The following SORCS1 variants were observed in gnomAD, a reference collection of about 807,000 sequenced individuals.
SORCS1 encodes sortilin related VPS10 domain containing receptor 1, also known as VPS10 domain-containing receptor SorCS1.
SORCS1 carries 60 observed loss-of-function variants against 146.1 expected under a neutral mutation model. That is an observed-to-expected ratio of 0.41 (90% CI 0.33 to 0.51). The LOEUF (loss-of-function observed/expected upper bound fraction) is 0.51, where lower values mean the gene tolerates loss of function less well. SORCS1 is among the 20% of genes least tolerant of loss of function. The pLI, the probability that SORCS1 is intolerant of heterozygous loss-of-function variation, is 0.21. For synonymous variants in SORCS1, 637 were observed against 584.0 expected (o/e 1.09, Z -1.31); for missense variants, 1,352 against 1,487.6 (o/e 0.91, Z 1.50).
intron 19 of SORCS1, among the ~76,000 whole-genome samples, chr10:106,624,662 A>G (rs1200532929): frequency 1.3e-5 from 2 of 152,202 alleles, no homozygotes; most frequent in South Asian, 4.1e-4. Flanking sequence ...TGCCGGGCCA[A>G]TGATGAATTT....
chr10:107,181,035 A>G, the SORCS1 span, among the ~76,000 whole-genome samples: 1 of 152,320 alleles, frequency 6.6e-6, no homozygotes, highest in African/African-American at 2.4e-5. Context: ...AAAATATTAT[A>G]AAATAGTAAA....
At chr10:106,667,634 C>T (rs537738891) in intron 17 of SORCS1, 55 bp downstream of exon 17, 76 of 1,165,556 alleles carry the variant, frequency 6.5e-5, no homozygotes, top group Middle Eastern at 4.0e-4. Context: ...CAGTATAACA[C>T]GTGCTGAAAG....
chr10:107,009,486 CT>C, intron 1 of SORCS1, among the ~76,000 whole-genome samples: 1 of 152,174 alleles, frequency 6.6e-6, no homozygotes, highest in East Asian at 1.9e-4. Context: ...CACTACTTTT[CT>C]GTTTCTCCTT....
intron 16 of SORCS1, among the ~76,000 whole-genome samples, chr10:106,670,850 T>C (rs1233006062): frequency 6.6e-6 from 1 of 152,012 alleles, no homozygotes; most frequent in Non-Finnish European, 1.5e-5. Flanking sequence ...TCCGCCACTA[T>C]GCCCAGCTAA....
At chr10:107,102,063 A>C (rs909186790) in intron 1 of SORCS1, among the ~76,000 whole-genome samples, 4 of 152,196 alleles carry the variant, frequency 2.6e-5, no homozygotes, top group Non-Finnish European at 5.9e-5. Context: ...TCTGGACCTT[A>C]TGAAACGATT....
intron 2 of SORCS1, among the ~76,000 whole-genome samples, chr10:106,932,811 G>C (rs1488062305): frequency 6.6e-6 from 1 of 152,114 alleles, no homozygotes. Flanking sequence ...ATGCTTAACT[G>C]GGGATTAGAC....
At chr10:107,024,983 G>A (rs901016510) in intron 1 of SORCS1, among the ~76,000 whole-genome samples, 1 of 152,154 alleles carries the variant, frequency 6.6e-6, no homozygotes, top group East Asian at 1.9e-4. Context: ...GGGGCTAAGG[G>A]TTAGTATTAT....
intron 18 of SORCS1, among the ~76,000 whole-genome samples, chr10:106,650,140 T>C (rs1250651648): frequency 2.6e-5 from 4 of 152,228 alleles, no homozygotes; most frequent in African/African-American, 9.6e-5. Context: ...CAACATTTTA[T>C]ATGAAAAATA....
At chr10:106,782,732 A>G (rs1860992528) in intron 3 of SORCS1, among the ~76,000 whole-genome samples, 1 of 152,224 alleles carries the variant, frequency 6.6e-6, no homozygotes, top group Non-Finnish European at 1.5e-5. Context: ...ACGTACAAAC[A>G]CTATTTTACT....
At chr10:107,083,779 G>A (rs1194816497) in intron 1 of SORCS1, among the ~76,000 whole-genome samples, 2 of 152,216 alleles carry the variant, frequency 1.3e-5, no homozygotes, top group African/African-American at 4.8e-5. Flanking sequence ...TATGAGCACT[G>A]TAAAAGGAGG....
At chr10:106,764,745 C>T (rs948654660) in intron 4 of SORCS1, among the ~76,000 whole-genome samples, 5 of 152,028 alleles carry the variant, frequency 3.3e-5, no homozygotes, top group East Asian at 1.9e-4. Context: ...CATTCTTGGC[C>T]GGGCGCGGTG....
At chr10:106,715,383 A>C (rs946312890) in intron 6 of SORCS1, among the ~76,000 whole-genome samples, 18 of 152,212 alleles carry the variant, frequency 1.2e-4, no homozygotes, top group Non-Finnish European at 2.5e-4. Context: ...GCTGCTTAGA[A>C]TAATGCAATC....
intron 24 of SORCS1, among the ~76,000 whole-genome samples, chr10:106,588,400 T>C (rs1845372084): frequency 6.6e-6 from 1 of 152,190 alleles, no homozygotes; most frequent in South Asian, 2.1e-4. Flanking sequence ...TGCTTCTGTT[T>C]TAGTGGATGG....
intron 21 of SORCS1, among the ~76,000 whole-genome samples, chr10:106,617,029 A>G (rs1481120791): frequency 6.6e-6 from 1 of 151,172 alleles, no homozygotes; most frequent in African/African-American, 2.4e-5. Context: ...ATCTTGGTTC[A>G]GTGCAGCCTC....
At chr10:106,916,181 T>C (rs1473247368) in intron 2 of SORCS1, among the ~76,000 whole-genome samples, 1 of 152,174 alleles carries the variant, frequency 6.6e-6, no homozygotes, top group Non-Finnish European at 1.5e-5. Context: ...TTCAATTAAT[T>C]ATTTTTTTAT....
At chr10:106,941,829 G>A (rs1185354548) in intron 2 of SORCS1, among the ~76,000 whole-genome samples, 1 of 152,258 alleles carries the variant, frequency 6.6e-6, no homozygotes, top group East Asian at 1.9e-4. Flanking sequence ...GACTCACTCT[G>A]TGTTGACAAT....
intron 3 of SORCS1, among the ~76,000 whole-genome samples, chr10:106,790,927 T>A (rs761631331): frequency 1.3e-5 from 2 of 152,236 alleles, no homozygotes; most frequent in Non-Finnish European, 2.9e-5. Flanking sequence ...ACTGCAGATA[T>A]TTTTGAAAAA....
chr10:106,965,025 T>C (rs951136986), intron 1 of SORCS1, among the ~76,000 whole-genome samples: 4 of 151,584 alleles, frequency 2.6e-5, no homozygotes, highest in Admixed American at 2.0e-4. Context: ...TTATGTCATA[T>C]AGCAGGAAGT....
intron 2 of SORCS1, among the ~76,000 whole-genome samples, chr10:106,950,804 G>T (rs1048957348): frequency 9.7e-4 from 148 of 152,138 alleles, no homozygotes; most frequent in Middle Eastern, 3.4e-3. Flanking sequence ...CTAATTGTGC[G>T]ACCTTGGGCA....
Sources: allele counts gnomAD v4.1 joint callset (sites outside exome capture counted in the v4.1 genomes callset), GRCh38; gene constraint gnomAD v4.1.1; transcripts MANE v1.5; gene names NCBI Gene and HGNC (gene_info 2026-07-23, HGNC 2026-07-21).